Variants in ACOT11 observed in about 807,000 individuals in gnomAD.
ACOT11 encodes the protein acyl-CoA thioesterase 11.
A neutral mutation model predicts 77.5 loss-of-function variants in ACOT11; 69 were observed. The observed-to-expected ratio is 0.89, with a 90% CI of 0.73 to 1.09. ACOT11 has a LOEUF of 1.09. Among genes scored for constraint, ACOT11 ranks in the 50% least tolerant of loss-of-function variants. The probability of loss-of-function intolerance (pLI) is 0.00; values close to 1 mark genes in which losing one functional copy is unlikely to be tolerated. For missense variants in ACOT11, 766 were observed against 813.7 expected, an observed-to-expected ratio of 0.94 and a Z score of 0.71; for synonymous variants, 279 against 313.0, an observed-to-expected ratio of 0.89 and a Z score of 1.15.
intron 3 of ACOT11, among the ~76,000 whole-genome samples, chr1:54,586,434 T>C (rs1488981652): frequency 1.3e-5 from 2 of 151,628 alleles, no homozygotes; most frequent in African/African-American, 2.4e-5. Context: ...CTTTTTTTTT[T>C]TTTTCTTTTT....
intron 4 of ACOT11, 57 bp from the exon 5 acceptor site, chr1:54,593,884 C>T: frequency 1.4e-6 from 2 of 1,474,936 alleles, no homozygotes; most frequent in Non-Finnish European, 9.4e-7. Flanking sequence ...TGCGGGGCTT[C>T]TAACTGGTGA....
intron 1 of ACOT11, among the ~76,000 whole-genome samples, chr1:54,564,945 G>A (rs1057270880): frequency 3.3e-5 from 5 of 152,172 alleles, no homozygotes; most frequent in Non-Finnish European, 5.9e-5. Context: ...AGAGCAGGGC[G>A]AACATGGGAG....
intron 15 of ACOT11, among the ~76,000 whole-genome samples, chr1:54,622,442 G>A (rs1369468381): frequency 6.6e-6 from 1 of 152,148 alleles, no homozygotes; most frequent in African/African-American, 2.4e-5. Context: ...GCTGAGCGTG[G>A]TGGCGCACGC....
In ACOT11 at chr1:54,593,365, C is replaced by T. The variant is rs563505301; in HGVS notation, c.373-576C>T. Among the ~76,000 whole-genome samples, 111 of 152,194 alleles carry T rather than the reference C, an allele frequency of 7.3e-4. No individual in the cohort carries two copies. In the Middle Eastern group the frequency reaches 0.01, roughly 14 times the overall value. On this transcript the variant is annotated intron_variant, in intron 4 of 15. Transcript: ENST00000343744. The stretch of plus-strand genomic sequence containing the variant: ...CATCATAGCTCACTGTAACCTCAAA[C>T]TCCTGGGCTTTAGCAATATTCCTGC...
At chr1:54,620,060 C>A in intron 15 of ACOT11, 1 of 1,586,342 alleles carries the variant, frequency 6.3e-7, no homozygotes, top group Non-Finnish European at 8.6e-7. Flanking sequence ...CAGCCCAAGA[C>A]TCATGTTCGT....
intron 15 of ACOT11, among the ~76,000 whole-genome samples, chr1:54,615,827 A>T (rs1644167192): frequency 6.6e-6 from 1 of 152,170 alleles, no homozygotes; most frequent in Non-Finnish European, 1.5e-5. Flanking sequence ...AAACACCAGG[A>T]CCTGCACTGA....
Position 54,584,785 on chromosome 1 carries a change from CCTG to C in ACOT11, c.166_168del (p.Cys56del), listed in dbSNP as rs1358106906. 3 of 1,613,968 alleles carry C rather than the reference CCTG, an allele frequency of 1.9e-6. No homozygotes were observed. The East Asian group carries it at 6.7e-5, about 36-fold the overall frequency. On this transcript the variant is annotated inframe_deletion, in exon 2 of 16. Coordinates refer to ENST00000343744, the MANE Select transcript of ACOT11 (RefSeq NM_147161.4). The surrounding 1 kb of genome is among the most constrained non-coding windows in gnomAD (Gnocchi z 6.3). Reference sequence around the variant, plus strand: ...GTGCAGATGAGCCAGCTGGTGCTGCCCTGCCACACCAACCAACGTGGTGAGCTG... The same window carrying C: ...GTGCAGATGAGCCAGCTGGTGCTGCCCCACACCAACCAACGTGGTGAGCTG...
intron 1 of ACOT11, among the ~76,000 whole-genome samples, chr1:54,561,101 AT>A (rs1411686584): frequency 4.3e-5 from 5 of 116,242 alleles, no homozygotes; most frequent in Non-Finnish European, 9.5e-5. Context: ...ATTTTTTTTT[AT>A]TTTTTAAATT....
intron 8 of ACOT11, among the ~76,000 whole-genome samples, chr1:54,600,624 A>C (rs945860896): frequency 6.6e-6 from 1 of 152,222 alleles, no homozygotes; most frequent in African/African-American, 2.4e-5. Flanking sequence ...CGGAGGTTGC[A>C]GTGAGCCAAG....
In ACOT11 at chr1:54,592,535, C is replaced by T. The variant is rs373276988; in HGVS notation, c.312-11C>T. ...CTCTGGAAGGCTCACCTCCTACTTT[C>T]CTCTCCCCAGTGTTGGACAAGTGGT... is the stretch of plus-strand genomic sequence containing the variant. On this transcript the variant is annotated splice_polypyrimidine_tract_variant and intron_variant, in intron 3 of 15. Transcript: ENST00000343744. 6.0e-5 allele frequency: 97 copies of T among 1,609,886 alleles called. No homozygotes were observed. Among genetic ancestry groups the T allele is most frequent in the Non-Finnish European group, 7.5e-5 (88 of 1,177,942 alleles).
At chr1:54,560,964 C>T (rs1653454355) in intron 1 of ACOT11, among the ~76,000 whole-genome samples, 1 of 152,028 alleles carries the variant, frequency 6.6e-6, no homozygotes, top group Non-Finnish European at 1.5e-5. Context: ...CTTAGGCAAT[C>T]TGCCCACCTC....
chr1:54,584,580 C>T lies in ACOT11; in HGVS notation c.34-75C>T. The T allele has an allele frequency of 7.1e-7, 1 of 1,414,194 alleles. No homozygotes were observed. Among genetic ancestry groups the T allele is most frequent in the Non-Finnish European group, 9.7e-7 (1 of 1,030,454 alleles). 87.6% of individuals were successfully genotyped at this position (1,414,194 alleles called of 1,614,324 possible). ...CTCTCTCCCCCAGACCCTAAGTTCTCAGGGCTGGACAGACCTGGGAGACCC... is the reference window on the plus strand; with the variant it reads ...CTCTCTCCCCCAGACCCTAAGTTCTTAGGGCTGGACAGACCTGGGAGACCC... On this transcript the variant is annotated intron_variant, in intron 1 of 15. Coordinates refer to ENST00000343744, the MANE Select transcript of ACOT11 (RefSeq NM_147161.4). This position sits in a 1 kb window ranked among gnomAD's most constrained non-coding sequence, Gnocchi z 6.3.
At chr1:54,606,773 C>T (rs569002688) in intron 13 of ACOT11, among the ~76,000 whole-genome samples, 2 of 152,376 alleles carry the variant, frequency 1.3e-5, no homozygotes, top group South Asian at 2.1e-4. Flanking sequence ...GTGGTGTCTG[C>T]ACCTGCGCAG....
rs1438485140 is a variant in ACOT11 at position 54,597,278 on chromosome 1, T to G, written c.627T>G (p.Cys209Trp). 1 of 1,613,132 alleles carries G rather than the reference T, an allele frequency of 6.2e-7. No individual in the cohort carries two copies. Among genetic ancestry groups the G allele is most frequent in the East Asian group, 2.2e-5 (1 of 44,874 alleles). ...GGTCAGATCTGGAGAGCAGAGACTG[T>G]AGCCGCATGGTGCCGGCTGAGAAGA... is the stretch of plus-strand genomic sequence containing the variant. ...AIQGDLESRD[C>W]SRMVPAEKTR... The change falls in exon 7 of 16, where the codon TGT becomes TGG. Residue 209 changes from cysteine to tryptophan, a missense_variant. Transcript: ENST00000343744.
intron 1 of ACOT11, chr1:54,573,007 T>G: frequency 2.0e-6 from 2 of 985,440 alleles, no homozygotes; most frequent in Non-Finnish European, 2.4e-6. Context: ...GACAGTGTTC[T>G]GGAAAGTGCC....
At chr1:54,606,913 T>C (rs1358386816) in intron 13 of ACOT11, among the ~76,000 whole-genome samples, 2 of 152,368 alleles carry the variant, frequency 1.3e-5, no homozygotes, top group African/African-American at 2.4e-5. Flanking sequence ...TTCATTTACT[T>C]GCATGCATGT....
chr1:54,629,117 G>A (rs1423832820), intron 15 of ACOT11, among the ~76,000 whole-genome samples: 6 of 127,684 alleles, frequency 4.7e-5, no homozygotes, highest in Non-Finnish European at 7.0e-5. Context: ...TCAAGGAATT[G>A]TGAGACAAAA....
intron 1 of ACOT11, among the ~76,000 whole-genome samples, chr1:54,570,232 C>T (rs1466511779): frequency 1.3e-5 from 2 of 152,212 alleles, no homozygotes; most frequent in Non-Finnish European, 2.9e-5. Flanking sequence ...TGGGCGTCTG[C>T]GGGAGGCTTC....
intron 15 of ACOT11, among the ~76,000 whole-genome samples, chr1:54,627,520 C>A (rs78075807): frequency 0.014 from 1,922 of 135,776 alleles, 479 homozygotes; most frequent in Non-Finnish European, 0.021. Context: ...CTGTGCTAGG[C>A]TCTGGGGATC....
Sources: gnomAD v4.1 joint callset for allele counts (sites outside exome capture counted in the v4.1 genomes callset) on GRCh38, gnomAD v4.1.1 for gene constraint, Gnocchi (gnomAD v3.1) non-coding constraint, MANE v1.5 for transcripts, NCBI Gene and HGNC (gene_info 2026-07-23, HGNC 2026-07-21) for gene names.